The following BCO1 variants were observed in gnomAD, a reference collection of about 807,000 sequenced individuals.
BCO1 encodes the protein beta,beta-carotene 15,15'-dioxygenase.
A neutral mutation model predicts 56.3 loss-of-function variants in BCO1; 54 were observed. That is an observed-to-expected ratio of 0.96 (90% CI 0.77 to 1.20). The LOEUF is 1.20. Ranked by LOEUF, BCO1 falls within the 50% of genes most tolerant of loss-of-function variation. The pLI is 0.00. For synonymous variants in BCO1, 318 were observed against 266.1 expected, an observed-to-expected ratio of 1.20 and a Z score of -1.90; for missense variants, 801 against 690.9, an observed-to-expected ratio of 1.16 and a Z score of -1.79.
chr16:81,262,239 T>G lies in BCO1; in HGVS notation c.427T>G (p.Tyr143Asp). ...CTTCTACGCGACCTCAGAGACCAATTACATCAGGAAAATCAACCCACAGAC... is the reference window on the plus strand; with the variant it reads ...CTTCTACGCGACCTCAGAGACCAATGACATCAGGAAAATCAACCCACAGAC... The part of the protein sequence containing the change: ...EDFYATSETN[Y>D]IRKINPQTLE... Residue 143 changes from tyrosine (Y) to aspartate (D), a missense_variant, in exon 4 of 11, where the codon TAC (tyrosine) becomes GAC (aspartate). Transcript: ENST00000258168. The G allele has an allele frequency of 6.2e-7, 1 of 1,613,690 alleles. No individual in the cohort carries two copies. Among genetic ancestry groups the G allele is most frequent in the Non-Finnish European group, 8.5e-7 (1 of 1,179,740 alleles).
At chr16:81,245,716 G>A (rs144914728) in intron 2 of BCO1, 113 bp downstream of exon 2, 349 of 1,372,130 alleles carry the variant, frequency 2.5e-4, no homozygotes, top group African/African-American at 1.4e-3. Context: ...AGTCTAAATC[G>A]GGTCTCACTG....
In BCO1 at chr16:81,262,151, G is replaced by C. The variant is rs1475121526; in HGVS notation, c.339G>C (p.Leu113Phe). 1 of 1,613,904 alleles carries C rather than the reference G, an allele frequency of 6.2e-7. No homozygotes were observed. The highest frequency in any genetic ancestry group is 8.5e-7 in the Non-Finnish European group (1 of 1,179,996). Residue 113 changes from leucine (L) to phenylalanine (F), a missense_variant, in exon 4 of 11, where the codon TTG becomes TTC. Coordinates refer to ENST00000258168, the MANE Select transcript of BCO1 (RefSeq NM_017429.3). ...TTCTCCCCAGAGCTTTCTCCTACTTGTCTCACACCATCCCCGATTTCACCG... is the reference window on the plus strand; with the variant it reads ...TTCTCCCCAGAGCTTTCTCCTACTTCTCTCACACCATCCCCGATTTCACCG... Reference protein sequence around the residue: ...KNIFSKAFSYLSHTIPDFTDN... With the variant: ...KNIFSKAFSYFSHTIPDFTDN...
chr16:81,244,799 A>G (rs2151925711), intron 1 of BCO1, among the ~76,000 whole-genome samples: 1 of 148,312 alleles, frequency 6.7e-6, no homozygotes, highest in South Asian at 2.1e-4. Context: ...TGATCACTGC[A>G]GCCTGGAGCT....
chr16:81,270,456 A>T (rs369037497), intron 7 of BCO1, 40 bp downstream of exon 7: 2 of 1,612,616 alleles, frequency 1.2e-6, no homozygotes, highest in African/African-American at 2.7e-5. Context: ...TTCTAGAGAG[A>T]TATCGGCCCA....
intron 2 of BCO1, among the ~76,000 whole-genome samples, chr16:81,247,428 G>A (rs948076277): frequency 1.3e-5 from 2 of 152,108 alleles, no homozygotes; most frequent in Non-Finnish European, 2.9e-5. Flanking sequence ...CTTGAGAGGC[G>A]GAGGCAGGAG....
rs1291850690 is a variant in BCO1 at position 81,264,708 on chromosome 16, T to C, written c.540T>C (p.Asn180=). 6.2e-7 allele frequency: 1 copy of C among 1,614,186 alleles called. No individual in the cohort carries two copies. Among genetic ancestry groups the C allele is most frequent in the Non-Finnish European group, 8.5e-7 (1 of 1,180,012 alleles). Reference sequence around the variant, plus strand: ...ATCCCCATTATGATGAGGCTGGAAATGTTCTAAACATGGGCACATCCATTG... The same window carrying C: ...ATCCCCATTATGATGAGGCTGGAAACGTTCTAAACATGGGCACATCCATTG... ...TSHPHYDEAG[N]VLNMGTSIVE... is the part of the protein sequence containing the mutation. The change falls in exon 5 of 11, where the codon AAT becomes AAC. Residue 180 remains asparagine, a synonymous_variant. Transcript: ENST00000258168.
rs1193399545 is a variant in BCO1, at chr16:81,262,149, T to C, written c.337T>C (p.Leu113=). The C allele has an allele frequency of 6.2e-7, 1 of 1,613,958 alleles. No homozygotes were observed. The highest frequency in any genetic ancestry group is 8.5e-7 in the Non-Finnish European group (1 of 1,179,998). The change falls in exon 4 of 11, where the codon TTG becomes CTG. Residue 113 remains leucine (L), a synonymous_variant. Coordinates refer to ENST00000258168, the MANE Select transcript of BCO1 (RefSeq NM_017429.3). ...TTTTCTCCCCAGAGCTTTCTCCTAC[T>C]TGTCTCACACCATCCCCGATTTCAC... ...KNIFSKAFSY[L]SHTIPDFTDN...
chr16:81,245,648 C>T (rs375307721), intron 2 of BCO1, 45 bp downstream of exon 2: 1 of 1,612,906 alleles, frequency 6.2e-7, no homozygotes, highest in South Asian at 1.1e-5. Context: ...AGCAAAGGAC[C>T]CCAAATGCAG....
Position 81,264,707 on chromosome 16 carries a change from A to G in BCO1, c.539A>G (p.Asn180Ser), listed in dbSNP as rs1373235925. Reference sequence around the variant, plus strand: ...CATCCCCATTATGATGAGGCTGGAAATGTTCTAAACATGGGCACATCCATT... The same window carrying G: ...CATCCCCATTATGATGAGGCTGGAAGTGTTCTAAACATGGGCACATCCATT... ...TSHPHYDEAG[N>S]VLNMGTSIVE... The change falls in exon 5 of 11, where the codon AAT (asparagine) becomes AGT (serine). Residue 180 changes from asparagine (N) to serine (S), a missense_variant. Transcript: ENST00000258168. The G allele has an allele frequency of 1.2e-6, 2 of 1,614,088 alleles. No individual in the cohort carries two copies. The highest frequency in any genetic ancestry group is 1.7e-6 in the Non-Finnish European group (2 of 1,180,028).
At chr16:81,280,445 C>T (rs1039477593) in intron 7 of BCO1, among the ~76,000 whole-genome samples, 1 of 152,036 alleles carries the variant, frequency 6.6e-6, no homozygotes, top group Admixed American at 6.6e-5. Flanking sequence ...TGCTTTTACT[C>T]AGTGTTATGT....
chr16:81,245,333 C>G, intron 1 of BCO1, 142 bp from the exon 2 acceptor site: 5 of 1,291,584 alleles, frequency 3.9e-6, no homozygotes, highest in Non-Finnish European at 5.6e-6. Context: ...TATACACTTT[C>G]TGGAAATGAC....
chr16:81,285,588 G>T lies in BCO1; in HGVS notation c.1256G>T (p.Arg419Leu), dbSNP rs372527154. 6 of 1,613,826 alleles carry T rather than the reference G, an allele frequency of 3.7e-6. No individual in the cohort carries two copies. Among genetic ancestry groups the T allele is most frequent in the Non-Finnish European group, 5.1e-6 (6 of 1,179,708 alleles). ...TATGCTCACAATGGAAAGCAATACC[G>T]ATATGTCTTTGCTACAGGAGTTCAG... ...VNYAHNGKQY[R>L]YVFATGVQWS... The change falls in exon 9 of 11, where the codon CGA becomes CTA. Residue 419 changes from arginine (R) to leucine (L), a missense_variant. Physicochemically the swap from Arg to Leu is moderately radical, Grantham distance 102. Transcript: ENST00000258168.
In BCO1 at chr16:81,259,810, C is replaced by G. The variant is rs768920988; in HGVS notation, c.323+5C>G. ...CTGCAAAAACATATTTTCCAAGTAA[C>G]TGCCTATTTTAAATCTGAGCAAATT... On this transcript the variant is annotated splice_donor_5th_base_variant and intron_variant, in intron 3 of 10. Coordinates refer to ENST00000258168, the MANE Select transcript of BCO1 (RefSeq NM_017429.3). 3 of 1,614,166 alleles carry G rather than the reference C, an allele frequency of 1.9e-6. No homozygotes were observed. The highest frequency in any genetic ancestry group is 2.5e-6 in the Non-Finnish European group (3 of 1,180,004).
rs1906702465 is a variant in BCO1 at position 81,264,717 on chromosome 16, C to T, written c.549C>T (p.Asn183=). The change falls in exon 5 of 11, where the codon AAC becomes AAT. Residue 183 remains asparagine, a synonymous_variant. Transcript: ENST00000258168. The part of the protein sequence containing the change: ...PHYDEAGNVL[N]MGTSIVEKGK... ...ATGATGAGGCTGGAAATGTTCTAAA[C>T]ATGGGCACATCCATTGTGGAAAAGG... 6.2e-7 allele frequency: 1 copy of T among 1,614,040 alleles called. No individual in the cohort carries two copies. The highest frequency in any genetic ancestry group is 1.3e-5 in the African/African-American group (1 of 74,924).
rs548281765 is a variant in BCO1 at position 81,264,983 on chromosome 16, C to T, written c.619+196C>T. 2.6e-5 allele frequency among the ~76,000 whole-genome samples: 4 copies of T among 152,208 alleles called. No individual in the cohort carries two copies. In the South Asian group the frequency reaches 8.3e-4, roughly 32 times the overall value. ...GGATTCCTCTTGGAAGAAAGAAATC[C>T]CTTTACTATTCTAATTTCCTTTTAT... is the stretch of plus-strand genomic sequence containing the variant. On this transcript the variant is annotated intron_variant, in intron 5 of 10. Coordinates refer to ENST00000258168, the MANE Select transcript of BCO1 (RefSeq NM_017429.3).
chr16:81,284,452 T>G (rs975008128), intron 8 of BCO1, among the ~76,000 whole-genome samples: 4 of 152,102 alleles, frequency 2.6e-5, no homozygotes, highest in African/African-American at 9.7e-5. Context: ...AAATTTTTTC[T>G]CTTCATTTGT....
At chr16:81,288,602 T>C (rs989690806) in intron 10 of BCO1, among the ~76,000 whole-genome samples, 5 of 152,158 alleles carry the variant, frequency 3.3e-5, no homozygotes, top group African/African-American at 9.7e-5. Flanking sequence ...TGTATAAGCA[T>C]GTAAATGTTT....
At chr16:81,263,772 A>G (rs1163958756) in intron 4 of BCO1, 1 of 152,264 alleles carries the variant, frequency 6.6e-6, no homozygotes, top group African/African-American at 2.4e-5. Flanking sequence ...GGGAATCAAT[A>G]GACCCACTTT....
At chr16:81,252,115 T>A (rs933019512) in intron 2 of BCO1, among the ~76,000 whole-genome samples, 1 of 152,094 alleles carries the variant, frequency 6.6e-6, no homozygotes, top group African/African-American at 2.4e-5. Context: ...CCTACTTTCC[T>A]GTGGTCACCA....
Sources: gnomAD v4.1 joint callset for allele counts (sites outside exome capture counted in the v4.1 genomes callset) on GRCh38, gnomAD v4.1.1 for gene constraint, MANE v1.5 for transcripts, NCBI Gene and HGNC (gene_info 2026-07-23, HGNC 2026-07-21) for gene names.